ZNF334: variants seen among roughly 807,000 people sequenced by gnomAD.
ZNF334 encodes the protein zinc finger protein 334.
Under a neutral mutation model 12.4 loss-of-function variants are expected in ZNF334, and 14 were observed. That is an observed-to-expected ratio of 1.13 (90% CI 0.74 to 1.76). The LOEUF (loss-of-function observed/expected upper bound fraction) is 1.76, where lower values mean the gene tolerates loss of function less well. ZNF334 is among the 40% of genes most tolerant of loss of function. The pLI is 0.00. For synonymous variants in ZNF334, 273 were observed against 269.6 expected, an observed-to-expected ratio of 1.01 and a Z score of -0.12; for missense variants, 797 against 804.5, an observed-to-expected ratio of 0.99 and a Z score of 0.11.
At chr20:46,495,208 G>A (rs542674286), downstream of ZNF334, among the ~76,000 whole-genome samples, 1 of 151,892 alleles carries the variant, frequency 6.6e-6, no homozygotes, top group South Asian at 2.1e-4. Flanking sequence ...TCACATATTT[G>A]AGGAGATATA....
chr20:46,478,022 T>C, the ZNF334 span, among the ~76,000 whole-genome samples: 1 of 152,254 alleles, frequency 6.6e-6, no homozygotes, highest in Non-Finnish European at 1.5e-5. Flanking sequence ...AATTAAATTA[T>C]CTGATTTCAA....
rs755426983 is a variant in ZNF334, at chr20:46,507,027, T to C, written c.22-2287A>G. Among the ~76,000 whole-genome samples the C allele has an allele frequency of 2.0e-5, 3 of 152,006 alleles. No homozygotes were observed. The South Asian group carries it at 6.2e-4, about 32-fold the overall frequency. On this transcript the variant is annotated intron_variant, in intron 2 of 4. Transcript: ENST00000692313. ...TACTTGGAAGGCTAAGGCAGGAGGA[T>C]TGCTTGAGCTGAGGAGGTCAAGACT...
chr20:46,507,875 G>A (rs1237718327), intron 2 of ZNF334, among the ~76,000 whole-genome samples: 1 of 152,142 alleles, frequency 6.6e-6, no homozygotes, highest in Non-Finnish European at 1.5e-5. Context: ...TAAGCTTCCT[G>A]AAGATAAAGA....
At chr20:46,497,610 T>C (rs376788797), downstream of ZNF334, among the ~76,000 whole-genome samples, 3 of 152,302 alleles carry the variant, frequency 2.0e-5, no homozygotes, top group African/African-American at 2.4e-5. Flanking sequence ...TAAGGCATTA[T>C]ATAAAGATAT....
intron 2 of ZNF334, among the ~76,000 whole-genome samples, chr20:46,509,063 T>G (rs1286920734): frequency 6.6e-6 from 1 of 152,218 alleles, no homozygotes; most frequent in Non-Finnish European, 1.5e-5. Context: ...CTTGTAATTA[T>G]CACGTTCATA....
At chr20:46,464,283 C>T in the ZNF334 span, 3 of 554,502 alleles carry the variant, frequency 5.4e-6, no homozygotes, top group Admixed American at 5.8e-5. Flanking sequence ...CTTTCTCCCG[C>T]CTGGTACTCA....
rs575339556 is a variant in ZNF334 at position 46,501,242 on chromosome 20, T to C, written c.*54A>G. 3.2e-4 allele frequency: 501 copies of C among 1,563,516 alleles called. No individual in the cohort carries two copies. The highest frequency in any genetic ancestry group is 3.1e-4 in the Non-Finnish European group (359 of 1,156,686). ...CTCTATACATACTCACAGTTTAGCA[T>C]TGTGTAAGTTATTTGATTTGTTGCT... On this transcript the variant is annotated 3_prime_UTR_variant, in exon 5 of 5. Transcript: ENST00000692313.
At chr20:46,491,114 T>C in the ZNF334 span, 1 of 152,786 alleles carries the variant, frequency 6.5e-6, no homozygotes, top group Non-Finnish European at 1.5e-5. Context: ...ACACTTTGAA[T>C]GTAACCAATG....
At chr20:46,470,414 A>C in the ZNF334 span, among the ~76,000 whole-genome samples, 1 of 152,170 alleles carries the variant, frequency 6.6e-6, no homozygotes, top group Non-Finnish European at 1.5e-5. Flanking sequence ...TTTCAGCTGA[A>C]GGAAACTACC....
the ZNF334 span, chr20:46,465,236 T>C: frequency 6.6e-5 from 12 of 180,752 alleles, no homozygotes; most frequent in Admixed American, 1.2e-4. Flanking sequence ...GCTCCTGATA[T>C]TGTGGCTGTT....
At chr20:46,465,875 T>C in the ZNF334 span, among the ~76,000 whole-genome samples, 1 of 151,626 alleles carries the variant, frequency 6.6e-6, no homozygotes, top group South Asian at 2.1e-4. Flanking sequence ...GAATGGCATG[T>C]ATCCAGGAGG....
intron 4 of ZNF334, 152 bp downstream of exon 4, chr20:46,504,062 T>C (rs1601032793): frequency 4.4e-6 from 2 of 453,382 alleles, no homozygotes. Context: ...CAGATGTCCA[T>C]AGCATGACAG....
chr20:46,502,548 G>A lies in ZNF334; in HGVS notation c.791C>T (p.Pro264Leu), dbSNP rs183671301. Residue 264 changes from proline (P) to leucine (L), a missense_variant, in exon 5 of 5, where the codon CCG becomes CTG. Coordinates refer to ENST00000692313, the MANE Select transcript of ZNF334 (RefSeq NM_001353824.2). ...TTTCCTACAATCACTACAAACATACGGTTTCTCCCCTGTATGAATTCTCTG... is the reference window on the plus strand; with the variant it reads ...TTTCCTACAATCACTACAAACATACAGTTTCTCCCCTGTATGAATTCTCTG... Reference protein sequence around the residue: ...VHQRIHTGEKPYVCSDCRKTF... With the variant: ...VHQRIHTGEKLYVCSDCRKTF... 5 of 1,613,594 alleles carry A rather than the reference G, an allele frequency of 3.1e-6. No individual in the cohort carries two copies. Among genetic ancestry groups the A allele is most frequent in the East Asian group, 4.5e-5 (2 of 44,880 alleles).
At chr20:46,481,254 T>G in the ZNF334 span, 1 of 152,194 alleles carries the variant, frequency 6.6e-6, no homozygotes, top group South Asian at 2.1e-4. Context: ...TCCACAAGGA[T>G]GCAGCTCCCC....
chr20:46,464,142 G>C, the ZNF334 span: 1 of 546,500 alleles, frequency 1.8e-6, no homozygotes, highest in Admixed American at 2.0e-5. Context: ...CCTTTCTATG[G>C]CCATCAGGGA....
chr20:46,495,897 G>A (rs1178089764), downstream of ZNF334, among the ~76,000 whole-genome samples: 1 of 152,178 alleles, frequency 6.6e-6, no homozygotes, highest in East Asian at 1.9e-4. Flanking sequence ...CCCCATGGAG[G>A]TCTGGGTATG....
the ZNF334 span, chr20:46,476,927 A>G: frequency 6.6e-6 from 1 of 152,220 alleles, no homozygotes; most frequent in East Asian, 1.9e-4. Flanking sequence ...TAGAAAAATA[A>G]TGTTTGCATT....
chr20:46,511,788 G>C (rs922092731), intron 2 of ZNF334, among the ~76,000 whole-genome samples: 1 of 152,132 alleles, frequency 6.6e-6, no homozygotes, highest in African/African-American at 2.4e-5. Context: ...TGGCAGAACT[G>C]TCTCTACTTC....
At chr20:46,474,462 G>GT in the ZNF334 span, 7 of 151,790 alleles carry the variant, frequency 4.6e-5, no homozygotes, top group African/African-American at 1.7e-4. Flanking sequence ...TGAATATATT[G>GT]TAACATCAGT....
Sources: allele counts gnomAD v4.1 joint callset (sites outside exome capture counted in the v4.1 genomes callset), GRCh38; gene constraint gnomAD v4.1.1; transcripts MANE v1.5; gene names NCBI Gene and HGNC (gene_info 2026-07-23, HGNC 2026-07-21).